The following ZMYND10 variants were observed in gnomAD, a reference collection of about 807,000 sequenced individuals.
ZMYND10 encodes the protein zinc finger MYND-type containing 10.
Under a neutral mutation model 62.6 loss-of-function variants are expected in ZMYND10, and 52 were observed. The observed-to-expected ratio is 0.83, with a 90% CI of 0.67 to 1.05. The LOEUF is 1.05. Ranked by LOEUF, ZMYND10 falls within the 50% of genes least tolerant of loss-of-function variation. The pLI is 0.00. For missense variants in ZMYND10, 438 were observed against 543.3 expected, an observed-to-expected ratio of 0.81 and a Z score of 1.93; for synonymous variants, 197 against 218.5, an observed-to-expected ratio of 0.90 and a Z score of 0.87.
chr3:50,344,611 G>C (rs1235564140), intron 2 of ZMYND10, among the ~76,000 whole-genome samples: 21 of 142,360 alleles, frequency 1.5e-4, no homozygotes, highest in Non-Finnish European at 2.4e-4. Context: ...GAGCTACCAT[G>C]CCCGGCTTTT....
chr3:50,343,219 A>G lies in ZMYND10; in HGVS notation c.511-13T>C, dbSNP rs1215328411. 3.1e-6 allele frequency: 5 copies of G among 1,614,034 alleles called. No individual in the cohort carries two copies. The African/African-American group carries it at 5.3e-5, about 17-fold the overall frequency. The stretch of plus-strand genomic sequence containing the variant: ...GCTTCTGCAGCTCCTGGGAGGTCAC[A>G]CAGTGTTCACGCTGGGCCACCCTCA... On this transcript the variant is annotated splice_polypyrimidine_tract_variant and intron_variant, in intron 5 of 11. Coordinates refer to ENST00000231749, the MANE Select transcript of ZMYND10 (RefSeq NM_015896.4).
rs1323131840 is a variant in ZMYND10, at chr3:50,343,024, G to A, written c.600-6C>T. On this transcript the variant is annotated splice_polypyrimidine_tract_variant and splice_region_variant and intron_variant, in intron 6 of 11. Transcript: ENST00000231749. ...TCAAGGTGCTGAGAGAGAGGCTAGG[G>A]GCAGGGACGTTGTGAAGGAGGTGAG... 6.2e-7 allele frequency: 1 copy of A among 1,614,100 alleles called. No individual in the cohort carries two copies. Among genetic ancestry groups the A allele is most frequent in the Non-Finnish European group, 8.5e-7 (1 of 1,179,962 alleles).
chr3:50,341,533 G>A (rs763082705), intron 11 of ZMYND10, 41 bp downstream of exon 11: 4 of 1,614,242 alleles, frequency 2.5e-6, no homozygotes, highest in Admixed American at 1.7e-5. Context: ...GGGGGATGTG[G>A]GAGTAGGGCT....
chr3:50,345,549 C>A lies in ZMYND10; in HGVS notation c.31G>T (p.Glu11Ter). MGDLELLLPG[E>*]AEVLVRGLRS... ...AGACCCCGCACCAGCACTTCAGCTT[C>A]CCCGGGCAGCAGCAGTTCCAGGTCT... Residue 11 changes from glutamate to a stop codon, truncating the protein, a stop_gained, in exon 1 of 12, where the codon GAA (glutamate) becomes TAA (stop). Coordinates refer to ENST00000231749, the MANE Select transcript of ZMYND10 (RefSeq NM_015896.4). LOFTEE classifies it high-confidence loss of function. This position sits in a 1 kb window ranked among gnomAD's most constrained non-coding sequence, Gnocchi z 5.0. The A allele has an allele frequency of 6.2e-7, 1 of 1,608,058 alleles. No individual in the cohort carries two copies.
intron 3 of ZMYND10, 56 bp downstream of exon 3, chr3:50,343,678 C>A (rs1003332677): frequency 6.8e-6 from 11 of 1,613,342 alleles, no homozygotes; most frequent in African/African-American, 2.7e-5. Context: ...CTCTCCTCCC[C>A]GGTCCAGAGC....
rs1404331341 is a variant in ZMYND10, at chr3:50,345,731, T to C, written c.-152A>G. ...CAGTTCTCGCAGCCATGGAAACGGGTTAGCCGCGCCTGCGCAGTGCGGCCT... is the reference window on the plus strand; with the variant it reads ...CAGTTCTCGCAGCCATGGAAACGGGCTAGCCGCGCCTGCGCAGTGCGGCCT... On this transcript the variant is annotated 5_prime_UTR_variant, in exon 1 of 12. Coordinates refer to ENST00000231749, the MANE Select transcript of ZMYND10 (RefSeq NM_015896.4). The surrounding 1 kb of genome is among the most constrained non-coding windows in gnomAD (Gnocchi z 5.0). 6.8e-7 allele frequency: 1 copy of C among 1,461,398 alleles called. No homozygotes were observed. The highest frequency in any genetic ancestry group is 1.4e-5 in the African/African-American group (1 of 71,050). The allele number at this position is 1,461,398 out of a possible 1,614,324, so 90.5% of individuals were successfully genotyped here. A position where few individuals can be genotyped will look rare whatever the true frequency, so the allele number is the denominator to read the frequency against.
In ZMYND10 at chr3:50,342,107, G is replaced by C; in HGVS notation, c.907C>G (p.Gln303Glu). 6.2e-7 allele frequency: 1 copy of C among 1,613,284 alleles called. No individual in the cohort carries two copies. ...RAFLTDTLLD[Q>E]LPNLAHLQSF... ...TGCAAGTGGGCCAGGTTGGGCAGCTGGTCCAGCAGTGTGTCTGTGAGGAAG... is the reference window on the plus strand; with the variant it reads ...TGCAAGTGGGCCAGGTTGGGCAGCTCGTCCAGCAGTGTGTCTGTGAGGAAG... Residue 303 changes from glutamine (Q) to glutamate (E), a missense_variant, in exon 9 of 12, where the codon CAG (glutamine) becomes GAG (glutamate). Transcript: ENST00000231749.
At chr3:50,343,962 A>G in intron 2 of ZMYND10, 112 bp from the exon 3 acceptor site, 2 of 914,818 alleles carry the variant, frequency 2.2e-6, no homozygotes, top group Admixed American at 2.0e-5. Context: ...CTGGGCCCCT[A>G]AACTATTCCA....
intron 2 of ZMYND10, chr3:50,344,107 C>T (rs1484378599): frequency 2.0e-6 from 1 of 495,196 alleles, no homozygotes; most frequent in Non-Finnish European, 3.7e-6. Context: ...CTTGCCCTGC[C>T]TGCACCTGCA....
At position 50,345,077 on chromosome 3, in the gene ZMYND10, G is replaced by T. The variant is rs774816713; in HGVS notation, c.201+47C>A. On this transcript the variant is annotated intron_variant, in intron 2 of 11. Coordinates refer to ENST00000231749, the MANE Select transcript of ZMYND10 (RefSeq NM_015896.4). This position sits in a 1 kb window ranked among gnomAD's most constrained non-coding sequence, Gnocchi z 5.0. ...AGGGGACTCCGGAGGGGTAGAGTAG[G>T]TGAGGTATGGGGGAAGGCAGGAACC... is the stretch of plus-strand genomic sequence containing the variant. The T allele has an allele frequency of 6.4e-7, 1 of 1,559,462 alleles. No homozygotes were observed. The highest frequency in any genetic ancestry group is 2.3e-5 in the East Asian group (1 of 44,232).
At position 50,342,553 on chromosome 3, in the gene ZMYND10, G is replaced by A. The variant is rs751242408; in HGVS notation, c.717C>T (p.Phe239=). ...CCACAGTATGCCAACGGCTGCCCTC[G>A]AACTGCTGCAGCTTGCCTGGGGAGA... is the stretch of plus-strand genomic sequence containing the variant. ...SRREGGKLQQ[F]EGSRWHTVAP... The change falls in exon 8 of 12, where the codon TTC becomes TTT. Residue 239 remains phenylalanine (F), a synonymous_variant. Coordinates refer to ENST00000231749, the MANE Select transcript of ZMYND10 (RefSeq NM_015896.4). 96 of 1,612,970 alleles carry A rather than the reference G, an allele frequency of 6.0e-5. No individual in the cohort carries two copies. Among genetic ancestry groups the A allele is most frequent in the Non-Finnish European group, 7.7e-5 (91 of 1,179,250 alleles).
At position 50,343,728 on chromosome 3, in the gene ZMYND10, G is replaced by A. The variant is rs1275155738; in HGVS notation, c.318+6C>T. ...AGAAGAGGTATGAACCAGGGGCCCA[G>A]CTCACCACCATGTAGATGGGGAAGG... On this transcript the variant is annotated splice_donor_region_variant and intron_variant, in intron 3 of 11. Transcript: ENST00000231749. 1.2e-6 allele frequency: 2 copies of A among 1,613,912 alleles called. No homozygotes were observed. Among genetic ancestry groups the A allele is most frequent in the East Asian group, 2.2e-5 (1 of 44,898 alleles).
chr3:50,343,806 C>T lies in ZMYND10; in HGVS notation c.246G>A (p.Lys82=), dbSNP rs767736273. 4 of 1,614,094 alleles carry T rather than the reference C, an allele frequency of 2.5e-6. No homozygotes were observed. The Admixed American group carries it at 5.0e-5, about 20-fold the overall frequency. The part of the protein sequence containing the change: ...VEELIAVEMW[K]QKVFPVFCRV... ...TGCAGAACACAGGGAACACCTTCTG[C>T]TTCCACATCTCCACTGCGATCAGCT... is the stretch of plus-strand genomic sequence containing the variant. The change falls in exon 3 of 12, where the codon AAG becomes AAA. Residue 82 remains lysine (K), a synonymous_variant. Coordinates refer to ENST00000231749, the MANE Select transcript of ZMYND10 (RefSeq NM_015896.4).
At chr3:50,344,072 G>A in intron 2 of ZMYND10, 2 of 554,926 alleles carry the variant, frequency 3.6e-6, no homozygotes, top group Non-Finnish European at 6.5e-6. Context: ...TTATGTGACT[G>A]GCTCCTGCCC....
In ZMYND10 at chr3:50,343,336, C is replaced by T; in HGVS notation, c.481G>A (p.Glu161Lys). The T allele has an allele frequency of 6.2e-7, 1 of 1,612,458 alleles. No homozygotes were observed. Among genetic ancestry groups the T allele is most frequent in the Non-Finnish European group, 8.5e-7 (1 of 1,179,200 alleles). Residue 161 changes from glutamate to lysine, a missense_variant, in exon 5 of 12, where the codon GAG becomes AAG. Glu to Lys is a moderately conservative substitution (Grantham distance 56, BLOSUM62 1). Transcript: ENST00000231749. The stretch of plus-strand genomic sequence containing the variant: ...ATGGGGTTGCTGTCCTGGGATCCCT[C>T]CCCCTCAGGGGGGCCACCACAGCCA... ...QSGCGGPPEG[E>K]GSQDSNPMQE...
chr3:50,345,599 G>A lies in ZMYND10; in HGVS notation c.-20C>T, dbSNP rs587731989. The A allele has an allele frequency of 8.9e-6, 14 of 1,568,438 alleles. No homozygotes were observed. The highest frequency in any genetic ancestry group is 1.7e-4 in the Middle Eastern group (1 of 6,022). On this transcript the variant is annotated 5_prime_UTR_variant, in exon 1 of 12. Transcript: ENST00000231749. The surrounding 1 kb of genome is among the most constrained non-coding windows in gnomAD (Gnocchi z 5.0). ...TCCCATATCGAGGCCGGGGTCCGGC[G>A]GATCCTGGGCAGCAGCCGGGGTGGG...
chr3:50,341,818 C>T lies in ZMYND10; in HGVS notation c.1113G>A (p.Gln371=). 6.2e-7 allele frequency: 1 copy of T among 1,614,018 alleles called. No individual in the cohort carries two copies. Among genetic ancestry groups the T allele is most frequent in the East Asian group, 2.2e-5 (1 of 44,884 alleles). ...ATTTCCACAGGCCTTACCTTCGCGCCTGCAGCCGCAGGTCCTGCTCTGAGG... is the reference window on the plus strand; with the variant it reads ...ATTTCCACAGGCCTTACCTTCGCGCTTGCAGCCGCAGGTCCTGCTCTGAGG... ...FSPSEQDLRL[Q]ARRWAETYRL... is the part of the protein sequence containing the mutation. The change falls in exon 10 of 12, where the codon CAG becomes CAA. Residue 371 remains glutamine, a synonymous_variant. Coordinates refer to ENST00000231749, the MANE Select transcript of ZMYND10 (RefSeq NM_015896.4).
intron 8 of ZMYND10, 69 bp from the exon 9 acceptor site, chr3:50,342,209 G>A: frequency 6.3e-7 from 1 of 1,587,612 alleles, no homozygotes; most frequent in East Asian, 2.2e-5. Context: ...AAAGGAAGGG[G>A]CTGGGTTGGG....
In ZMYND10 at chr3:50,341,808, AC is replaced by A. The variant is rs1330027274; in HGVS notation, c.1121+1del. ...CCTCCCTGCCATTTCCACAGGCCTT[AC>A]CTTCGCGCCTGCAGCCGCAGGTCCT... On this transcript the variant is annotated splice_donor_variant, in intron 10 of 11. Coordinates refer to ENST00000231749, the MANE Select transcript of ZMYND10 (RefSeq NM_015896.4). LOFTEE classifies it high-confidence loss of function. 6.2e-7 allele frequency: 1 copy of A among 1,613,650 alleles called. No homozygotes were observed. The highest frequency in any genetic ancestry group is 8.5e-7 in the Non-Finnish European group (1 of 1,179,886).
Sources: allele counts gnomAD v4.1 joint callset (sites outside exome capture counted in the v4.1 genomes callset), GRCh38; gene constraint gnomAD v4.1.1; non-coding constraint Gnocchi (gnomAD v3.1); transcripts MANE v1.5; gene names NCBI Gene and HGNC (gene_info 2026-07-23, HGNC 2026-07-21).